ACVR1B: variants seen among roughly 807,000 people sequenced by gnomAD.
ACVR1B encodes activin A receptor type 1B.
Under a neutral mutation model 55.6 loss-of-function variants are expected in ACVR1B, and 15 were observed. The observed-to-expected ratio is 0.27, with a 90% CI of 0.18 to 0.42. The LOEUF is 0.42. Ranked by LOEUF, ACVR1B falls within the 10% of genes least tolerant of loss-of-function variation. ACVR1B has a pLI of 1.00. For missense variants in ACVR1B, 359 were observed against 670.1 expected, an observed-to-expected ratio of 0.54 and a Z score of 5.13; for synonymous variants, 247 against 254.6, an observed-to-expected ratio of 0.97 and a Z score of 0.28.
At chr12:51,993,946 G>T in intron 8 of ACVR1B, 39 bp from the exon 9 acceptor site, 1 of 1,611,238 alleles carries the variant, frequency 6.2e-7, no homozygotes. Flanking sequence ...GGCTTCTCCA[G>T]GGCATGACCG....
chr12:51,981,955 C>T (rs541814855), intron 4 of ACVR1B, among the ~76,000 whole-genome samples: 5 of 152,200 alleles, frequency 3.3e-5, no homozygotes, highest in Admixed American at 6.5e-5. Flanking sequence ...GTGTCGCCTT[C>T]GGACTCTGCT....
intron 1 of ACVR1B, among the ~76,000 whole-genome samples, chr12:51,958,570 T>A (rs1480440417): frequency 6.7e-6 from 1 of 148,732 alleles, no homozygotes; most frequent in African/African-American, 2.5e-5. Flanking sequence ...ATAGCTTGAA[T>A]CCGGGAGGCG....
chr12:51,979,466 CAAA>C (rs11421560), intron 3 of ACVR1B, among the ~76,000 whole-genome samples: 2 of 117,786 alleles, frequency 1.7e-5, no homozygotes, highest in African/African-American at 3.4e-5. Context: ...GACACCATCT[CAAA>C]AAAAAAAAAA....
intron 3 of ACVR1B, among the ~76,000 whole-genome samples, chr12:51,977,053 A>G (rs1941872475): frequency 6.6e-6 from 1 of 152,164 alleles, no homozygotes; most frequent in South Asian, 2.1e-4. Flanking sequence ...CAGTTGCCCA[A>G]GGGTTTTTGG....
intron 1 of ACVR1B, among the ~76,000 whole-genome samples, chr12:51,954,438 G>T (rs1941371112): frequency 6.6e-6 from 1 of 152,190 alleles, no homozygotes; most frequent in Non-Finnish European, 1.5e-5. Context: ...CATTCTCATA[G>T]GAACATTTTG....
intron 7 of ACVR1B, among the ~76,000 whole-genome samples, chr12:51,989,933 C>T (rs560845096): frequency 6.6e-6 from 1 of 151,928 alleles, no homozygotes; most frequent in African/African-American, 2.4e-5. Context: ...TGCAGCAAGC[C>T]GAGATCGTGC....
In ACVR1B at chr12:51,984,117, T is replaced by C. The variant is rs770245292; in HGVS notation, c.930T>C (p.Ser310=). Residue 310 remains serine, a synonymous_variant, in exon 5 of 9, where the codon TCT becomes TCC. Coordinates refer to ENST00000257963, the MANE Select transcript of ACVR1B (RefSeq NM_004302.5). ...AGGGGATGATTAAGCTGGCCTTGTC[T>C]GCTGCTAGTGGGCTGGCACACCTGC... ...TIEGMIKLAL[S]AASGLAHLHM... is the part of the protein sequence containing the mutation. The C allele has an allele frequency of 2.5e-6, 4 of 1,614,244 alleles. No homozygotes were observed. The African/African-American group carries it at 5.3e-5, about 22-fold the overall frequency.
At chr12:51,992,440 G>A in intron 8 of ACVR1B, 1 of 190,404 alleles carries the variant, frequency 5.3e-6, no homozygotes, top group African/African-American at 2.3e-5. Context: ...GGTCAAGGCT[G>A]CAGTGAGCCA....
chr12:51,959,023 AC>A (rs1941465087), intron 1 of ACVR1B, among the ~76,000 whole-genome samples: 1 of 152,248 alleles, frequency 6.6e-6, no homozygotes, highest in African/African-American at 2.4e-5. Flanking sequence ...CAGAAAGCTT[AC>A]CTTCTGCCAG....
intron 1 of ACVR1B, among the ~76,000 whole-genome samples, chr12:51,965,363 A>C (rs1002042593): frequency 3.9e-5 from 6 of 152,228 alleles, no homozygotes; most frequent in Non-Finnish European, 8.8e-5. Flanking sequence ...ATTTAAAAAA[A>C]CCCTGATATA....
At chr12:51,963,620 G>A (rs999459509) in intron 1 of ACVR1B, among the ~76,000 whole-genome samples, 10 of 152,252 alleles carry the variant, frequency 6.6e-5, no homozygotes, top group African/African-American at 1.7e-4. Context: ...ATTATAGCAC[G>A]TATCAATAGT....
Position 51,995,925 on chromosome 12 carries a change from A to G in ACVR1B, c.*1815A>G. 6.6e-6 allele frequency: 1 copy of G among 152,664 alleles called. No individual in the cohort carries two copies. Among genetic ancestry groups the G allele is most frequent in the Non-Finnish European group, 1.5e-5 (1 of 68,108 alleles). 9.5% of individuals were successfully genotyped at this position (152,664 alleles called of 1,614,324 possible). On this transcript the variant is annotated 3_prime_UTR_variant, in exon 9 of 9. Coordinates refer to ENST00000257963, the MANE Select transcript of ACVR1B (RefSeq NM_004302.5). The stretch of plus-strand genomic sequence containing the variant: ...GGCATTTATTCAACAAATGTGGGTG[A>G]AGTGCCTGCTGGGTGCCAGGTGCTG...
At chr12:51,987,236 G>A (rs1175100395) in intron 7 of ACVR1B, 21 of 643,600 alleles carry the variant, frequency 3.3e-5, no homozygotes, top group African/African-American at 7.3e-5. Context: ...GGAGTGCCCC[G>A]GTGCGCATAG....
rs773015483 is a variant in ACVR1B, at chr12:51,995,642, C to T, written c.*1532C>T. 1.3e-5 allele frequency: 2 copies of T among 151,680 alleles called. No homozygotes were observed. The highest frequency in any genetic ancestry group is 4.2e-4 in the South Asian group (2 of 4,714). 9.4% of individuals were successfully genotyped at this position (151,680 alleles called of 1,614,324 possible). A position where few individuals can be genotyped will look rare whatever the true frequency, so the allele number is the denominator to read the frequency against. ...ATATTAAGTTTTTGTAAAAGGAAAA[C>T]CATCTCTGTGATTACCTCTCAATCT... On this transcript the variant is annotated 3_prime_UTR_variant, in exon 9 of 9. Transcript: ENST00000257963.
chr12:51,981,895 C>T (rs1592257062), intron 4 of ACVR1B, among the ~76,000 whole-genome samples: 2 of 152,252 alleles, frequency 1.3e-5, no homozygotes, highest in Non-Finnish European at 2.9e-5. Context: ...GGAATTGCGG[C>T]CTCAACCCTG....
chr12:51,965,182 C>T (rs1243067821), intron 1 of ACVR1B, among the ~76,000 whole-genome samples: 2 of 151,838 alleles, frequency 1.3e-5, no homozygotes, highest in African/African-American at 4.8e-5. Flanking sequence ...CCTAAGAAAC[C>T]CTGGAGGAAT....
At chr12:51,978,811 C>T (rs1565617908) in intron 3 of ACVR1B, among the ~76,000 whole-genome samples, 3 of 125,576 alleles carry the variant, frequency 2.4e-5, no homozygotes, top group African/African-American at 9.5e-5. Flanking sequence ...GCCTGGGCAA[C>T]AGAGCGAGAC....
chr12:51,978,609 C>T (rs1365874187), intron 3 of ACVR1B, among the ~76,000 whole-genome samples: 1 of 152,012 alleles, frequency 6.6e-6, no homozygotes, highest in Non-Finnish European at 1.5e-5. Flanking sequence ...GTGGGTGGAT[C>T]ATGAGGTCAG....
rs2120597532 is a variant in ACVR1B at position 51,975,318 on chromosome 12, G to A, written c.145G>A (p.Asp49Asn). 1 of 1,614,108 alleles carries A rather than the reference G, an allele frequency of 6.2e-7. No individual in the cohort carries two copies. The highest frequency in any genetic ancestry group is 8.5e-7 in the Non-Finnish European group (1 of 1,180,056). Reference sequence around the variant, plus strand: ...CCAGGCCAACTACACGTGTGAGACAGATGGGGCCTGCATGGTTTCCATTTT... The same window carrying A: ...CCAGGCCAACTACACGTGTGAGACAAATGGGGCCTGCATGGTTTCCATTTT... Reference protein sequence around the residue: ...CLQANYTCETDGACMVSIFNL... With the variant: ...CLQANYTCETNGACMVSIFNL... The change falls in exon 2 of 9, where the codon GAT (aspartate) becomes AAT (asparagine). Residue 49 changes from aspartate (D) to asparagine (N), a missense_variant. Coordinates refer to ENST00000257963, the MANE Select transcript of ACVR1B (RefSeq NM_004302.5).
Sources: gnomAD v4.1 joint callset for allele counts (sites outside exome capture counted in the v4.1 genomes callset) on GRCh38, gnomAD v4.1.1 for gene constraint, MANE v1.5 for transcripts, NCBI Gene and HGNC (gene_info 2026-07-23, HGNC 2026-07-21) for gene names.